Variants in CDK14 observed in about 807,000 individuals in gnomAD.
The protein encoded by CDK14 is cyclin dependent kinase 14.
In CDK14, 34 loss-of-function variants were observed where a neutral mutation model predicts 60.7. The ratio of observed to expected loss-of-function variants is 0.56; its 90% CI spans 0.43 to 0.75. The LOEUF is 0.75. CDK14 is among the 30% of genes least tolerant of loss of function. The pLI, the probability that CDK14 is intolerant of heterozygous loss-of-function variation, is 0.00. For synonymous variants in CDK14, 197 were observed against 203.7 expected, an observed-to-expected ratio of 0.97 and a Z score of 0.28; for missense variants, 482 against 564.1, an observed-to-expected ratio of 0.85 and a Z score of 1.47.
chr7:91,177,873 T>C (rs1490418117), intron 14 of CDK14, among the ~76,000 whole-genome samples: 74 of 144,324 alleles, frequency 5.1e-4, no homozygotes, highest in African/African-American at 1.8e-3. Context: ...ATTGTGAAAA[T>C]GGCCATACTG....
intron 5 of CDK14, among the ~76,000 whole-genome samples, chr7:90,848,128 G>A (rs1790526967): frequency 6.6e-6 from 1 of 151,234 alleles, no homozygotes; most frequent in African/African-American, 2.4e-5. Context: ...TTGACAGAGA[G>A]TCTTAACCTG....
In CDK14 at chr7:90,608,642, T is replaced by A. The variant is rs979376708; in HGVS notation, c.123+4393T>A. 4 of 556,748 alleles carry A rather than the reference T, an allele frequency of 7.2e-6. No homozygotes were observed. The African/African-American group carries it at 8.1e-5, about 11-fold the overall frequency. The allele number at this position is 556,748 out of a possible 1,614,324, so 34.5% of individuals were successfully genotyped here. ...AAATGCAAAGAATTTCATATGTTTA[T>A]GGCATATAATCCAGATAATTAAGCA... On this transcript the variant is annotated intron_variant, in intron 2 of 14. Transcript: ENST00000380050.
intron 6 of CDK14, among the ~76,000 whole-genome samples, chr7:90,874,950 A>G (rs1199206222): frequency 2.0e-5 from 3 of 152,168 alleles, no homozygotes; most frequent in Admixed American, 1.3e-4. Flanking sequence ...TTGTGGAACC[A>G]TTACTACAAC....
intron 9 of CDK14, among the ~76,000 whole-genome samples, chr7:90,963,063 G>T (rs964761053): frequency 2.7e-5 from 4 of 147,234 alleles, no homozygotes; most frequent in Non-Finnish European, 4.5e-5. Flanking sequence ...ATAATTTTTG[G>T]CCCAGGATAT....
intron 14 of CDK14, among the ~76,000 whole-genome samples, chr7:91,169,633 A>G (rs576130107): frequency 1.3e-5 from 2 of 152,208 alleles, no homozygotes; most frequent in Non-Finnish European, 2.9e-5. Flanking sequence ...CCTCAAGTGG[A>G]TTAAGCCAAT....
intron 9 of CDK14, among the ~76,000 whole-genome samples, chr7:90,959,147 G>A (rs1794523349): frequency 6.6e-6 from 1 of 152,132 alleles, no homozygotes; most frequent in African/African-American, 2.4e-5. Flanking sequence ...AGAAGAGTAA[G>A]TGGAAAGGAG....
At chr7:90,745,792 A>G (rs1264197414) in intron 3 of CDK14, among the ~76,000 whole-genome samples, 1 of 152,002 alleles carries the variant, frequency 6.6e-6, no homozygotes, top group East Asian at 1.9e-4. Context: ...AATTTTATCC[A>G]TCTCTTTCAG....
chr7:91,183,285 A>G (rs956090014), intron 14 of CDK14, among the ~76,000 whole-genome samples: 4 of 152,192 alleles, frequency 2.6e-5, no homozygotes, highest in African/African-American at 9.6e-5. Flanking sequence ...ACAGTCATAT[A>G]AGCACATGTG....
Position 90,739,233 on chromosome 7 carries a change from A to C in CDK14, c.370-8448A>C, listed in dbSNP as rs117341133. ...CAGTTTCACAGGGCAGATAATATTG[A>C]TTTTTTTACCACAAAATGTGGCAAA... On this transcript the variant is annotated intron_variant, in intron 3 of 14. Coordinates refer to ENST00000380050, the MANE Select transcript of CDK14 (RefSeq NM_001287135.2). Among the ~76,000 whole-genome samples, 12 of 152,290 alleles carry C rather than the reference A, an allele frequency of 7.9e-5. No individual in the cohort carries two copies. The East Asian group carries it at 2.3e-3, about 29-fold the overall frequency.
chr7:90,856,429 G>C (rs1790818839), intron 5 of CDK14, among the ~76,000 whole-genome samples: 1 of 152,008 alleles, frequency 6.6e-6, no homozygotes, highest in South Asian at 2.1e-4. Flanking sequence ...TATTGTATTA[G>C]ATATCACTAA....
rs553684512 is a variant in CDK14, at chr7:90,747,572, A to C, written c.370-109A>C. Reference sequence around the variant, plus strand: ...AATAAACATGTATGCCAGAAAAAACAGTTATTTAAAAAGTGACAGAGAATC... The same window carrying C: ...AATAAACATGTATGCCAGAAAAAACCGTTATTTAAAAAGTGACAGAGAATC... On this transcript the variant is annotated intron_variant, in intron 3 of 14. Transcript: ENST00000380050. 3.0e-4 allele frequency: 200 copies of C among 656,100 alleles called. No individual in the cohort carries two copies. The East Asian group carries it at 5.9e-3, about 19-fold the overall frequency. 40.6% of individuals were successfully genotyped at this position (656,100 alleles called of 1,614,324 possible).
intron 12 of CDK14, among the ~76,000 whole-genome samples, chr7:91,086,855 T>C (rs1475255351): frequency 1.3e-5 from 2 of 152,198 alleles, no homozygotes; most frequent in African/African-American, 2.4e-5. Context: ...AAGAAAATAT[T>C]TACAAATTTA....
intron 2 of CDK14, among the ~76,000 whole-genome samples, chr7:90,627,485 T>A (rs769823933): frequency 1.3e-5 from 2 of 152,174 alleles, no homozygotes; most frequent in East Asian, 3.8e-4. Context: ...ACTGCTGGGA[T>A]TACAGGCATG....
intron 9 of CDK14, among the ~76,000 whole-genome samples, chr7:90,967,114 G>A (rs1428012895): frequency 3.4e-5 from 5 of 145,952 alleles, no homozygotes; most frequent in African/African-American, 1.0e-4. Flanking sequence ...AAGGAGGGAG[G>A]GAGGAAGGTG....
chr7:91,139,237 T>C (rs911338774), intron 14 of CDK14, among the ~76,000 whole-genome samples: 1 of 152,144 alleles, frequency 6.6e-6, no homozygotes, highest in South Asian at 2.1e-4. Context: ...CCTTATTGGA[T>C]AGTGATATCA....
chr7:90,747,806 T>G (rs747247363), intron 4 of CDK14, 31 bp downstream of exon 4: 1 of 1,184,898 alleles, frequency 8.4e-7, no homozygotes, highest in Non-Finnish European at 1.2e-6. Context: ...ATATTTCACA[T>G]GTACAGTGTA....
At chr7:90,860,732 T>C (rs1485807240) in intron 5 of CDK14, among the ~76,000 whole-genome samples, 2 of 151,930 alleles carry the variant, frequency 1.3e-5, no homozygotes, top group African/African-American at 4.8e-5. Context: ...ACCATGTTGA[T>C]CAGGATGGTC....
chr7:91,006,273 A>G (rs1483811421), intron 10 of CDK14, among the ~76,000 whole-genome samples: 1 of 152,220 alleles, frequency 6.6e-6, no homozygotes, highest in East Asian at 1.9e-4. Flanking sequence ...CCTTCCCCAA[A>G]GGCTACTACC....
chr7:90,874,582 G>GCGGACTA (rs1791491306), intron 6 of CDK14, among the ~76,000 whole-genome samples: 1 of 128,340 alleles, frequency 7.8e-6, no homozygotes, highest in African/African-American at 2.9e-5. Flanking sequence ...ACTGCGGACT[G>GCGGACTA]CAGTGGCGCA....
Sources: allele counts gnomAD v4.1 joint callset (sites outside exome capture counted in the v4.1 genomes callset), GRCh38; gene constraint gnomAD v4.1.1; transcripts MANE v1.5; gene names NCBI Gene and HGNC (gene_info 2026-07-23, HGNC 2026-07-21).